Variants in CAMKMT observed in about 807,000 individuals in gnomAD.
CAMKMT encodes CaM KMT.
In CAMKMT, 53 loss-of-function variants were observed where a neutral mutation model predicts 48.0. The observed-to-expected ratio is 1.10, with a 90% CI of 0.89 to 1.39. The LOEUF (loss-of-function observed/expected upper bound fraction) is 1.39. Among genes scored for constraint, CAMKMT ranks in the 40% most tolerant of loss-of-function variants. The pLI, the probability that CAMKMT is intolerant of heterozygous loss-of-function variation, is 0.00. For synonymous variants in CAMKMT, 165 were observed against 152.3 expected (o/e 1.08, Z -0.61); for missense variants, 428 against 402.7 (o/e 1.06, Z -0.54).
rs565515090 is a variant in CAMKMT at position 44,396,752 on chromosome 2, AAAAG to A, written c.376+6464_376+6467del. ...AATGATTACCTTTCTAAAAAAAAAA[AAAAG>A]AAAGAAAGAAAGAAAGGAACCAGGA... On this transcript the variant is annotated intron_variant, in intron 3 of 10. Coordinates refer to ENST00000378494, the MANE Select transcript of CAMKMT (RefSeq NM_024766.5). 1.5e-3 allele frequency among the ~76,000 whole-genome samples: 222 copies of A among 151,696 alleles called. 1 individual carries two copies. The highest frequency in any genetic ancestry group is 4.6e-3 in the East Asian group (24 of 5,178).
intron 1 of CAMKMT, among the ~76,000 whole-genome samples, chr2:44,365,459 T>C (rs759087975): frequency 6.6e-6 from 1 of 152,188 alleles, no homozygotes; most frequent in Non-Finnish European, 1.5e-5. Flanking sequence ...TCAATATCAG[T>C]AGAGGTTATG....
chr2:44,715,197 A>C, intron 6 of CAMKMT, 90 bp from the exon 7 acceptor site: 1 of 690,182 alleles, frequency 1.4e-6, no homozygotes, highest in Non-Finnish European at 2.2e-6. Flanking sequence ...TGTCTCAAAA[A>C]AAAAAAAAAA....
At position 44,397,849 on chromosome 2, in the gene CAMKMT, T is replaced by G. The variant is rs572054405; in HGVS notation, c.376+7544T>G. On this transcript the variant is annotated intron_variant, in intron 3 of 10. Coordinates refer to ENST00000378494, the MANE Select transcript of CAMKMT (RefSeq NM_024766.5). ...CATGGGAACTGACTGAAATAAACCC[T>G]ATAATCCTTTGTAGATTCATATGCC... Among the ~76,000 whole-genome samples the G allele has an allele frequency of 2.4e-4, 36 of 152,348 alleles. No individual in the cohort carries two copies. The South Asian group carries it at 7.4e-3, about 32-fold the overall frequency.
intron 3 of CAMKMT, among the ~76,000 whole-genome samples, chr2:44,513,000 A>C (rs926795725): frequency 9.9e-5 from 15 of 152,218 alleles, no homozygotes; most frequent in African/African-American, 3.6e-4. Context: ...TTTCACAAGC[A>C]GTCCTGCATT....
intron 3 of CAMKMT, among the ~76,000 whole-genome samples, chr2:44,555,663 A>T (rs1004683519): frequency 6.6e-6 from 1 of 152,124 alleles, no homozygotes; most frequent in Non-Finnish European, 1.5e-5. Context: ...ATAAAGAAAG[A>T]ATATAATAGA....
intron 6 of CAMKMT, among the ~76,000 whole-genome samples, chr2:44,712,102 A>G (rs146201052): frequency 6.6e-6 from 1 of 152,286 alleles, no homozygotes; most frequent in Non-Finnish European, 1.5e-5. Flanking sequence ...AATTCATATG[A>G]GTAATAAGCA....
chr2:44,523,872 G>A lies in CAMKMT; in HGVS notation c.376+133567G>A, dbSNP rs565627592. ...GGCTCACTGCAACCTTTGCCTCCCC[G>A]GTTCAAGTGATTCTCCTGCCTCAGC... is the stretch of plus-strand genomic sequence containing the variant. On this transcript the variant is annotated intron_variant, in intron 3 of 10. Transcript: ENST00000378494. Among the ~76,000 whole-genome samples the A allele has an allele frequency of 1.4e-4, 20 of 144,918 alleles. No homozygotes were observed. The South Asian group carries it at 2.2e-3, about 16-fold the overall frequency.
intron 3 of CAMKMT, among the ~76,000 whole-genome samples, chr2:44,413,183 G>T (rs1683326993): frequency 6.6e-6 from 1 of 152,140 alleles, no homozygotes; most frequent in African/African-American, 2.4e-5. Context: ...GTGCTGAATG[G>T]CAGTATTAAT....
chr2:44,755,907 G>A (rs532045721), intron 9 of CAMKMT, among the ~76,000 whole-genome samples: 7 of 152,274 alleles, frequency 4.6e-5, no homozygotes, highest in Admixed American at 1.3e-4. Flanking sequence ...AAGTCAGAGG[G>A]GCTCACACTA....
chr2:44,635,058 G>T (rs777483372), intron 3 of CAMKMT, among the ~76,000 whole-genome samples: 34 of 152,176 alleles, frequency 2.2e-4, no homozygotes, highest in Non-Finnish European at 4.6e-4. Context: ...GGATGACAGA[G>T]TGGGACACTG....
intron 3 of CAMKMT, among the ~76,000 whole-genome samples, chr2:44,514,059 G>T (rs891221476): frequency 6.7e-6 from 1 of 149,758 alleles, no homozygotes; most frequent in Non-Finnish European, 1.5e-5. Flanking sequence ...TTGAGATTGC[G>T]CCACTACACT....
intron 3 of CAMKMT, among the ~76,000 whole-genome samples, chr2:44,611,403 AGACTGGGG>A (rs1473432485): frequency 6.6e-6 from 1 of 152,038 alleles, no homozygotes; most frequent in African/African-American, 2.4e-5. Context: ...ATTGCACTCC[AGACTGGGG>A]GACAAGAGCA....
At chr2:44,377,234 T>G (rs375060787) in intron 2 of CAMKMT, among the ~76,000 whole-genome samples, 2 of 152,270 alleles carry the variant, frequency 1.3e-5, no homozygotes, top group East Asian at 3.9e-4. Flanking sequence ...CTCAAACTGC[T>G]GGGGTCAAGG....
intron 3 of CAMKMT, among the ~76,000 whole-genome samples, chr2:44,595,149 A>G (rs1031622757): frequency 1.3e-5 from 2 of 151,932 alleles, no homozygotes; most frequent in Non-Finnish European, 2.9e-5. Flanking sequence ...AAGTCAGGAA[A>G]CAACAGATGC....
At chr2:44,491,021 C>T (rs1185000433) in intron 3 of CAMKMT, among the ~76,000 whole-genome samples, 1 of 151,934 alleles carries the variant, frequency 6.6e-6, no homozygotes, top group African/African-American at 2.4e-5. Context: ...GGCATGGTGG[C>T]ATGCCTGTAG....
intron 6 of CAMKMT, among the ~76,000 whole-genome samples, chr2:44,711,569 A>G (rs957418710): frequency 6.6e-6 from 1 of 151,380 alleles, no homozygotes; most frequent in African/African-American, 2.4e-5. Flanking sequence ...TCCTGCCTCC[A>G]CCTCCCTAAG....
intron 7 of CAMKMT, among the ~76,000 whole-genome samples, chr2:44,729,035 G>T (rs184818762): frequency 1.4e-4 from 21 of 150,424 alleles, no homozygotes; most frequent in African/African-American, 4.9e-4. Flanking sequence ...AAAAAAAAAA[G>T]CCATTTCAGT....
At chr2:44,435,067 A>T (rs907905841) in intron 3 of CAMKMT, among the ~76,000 whole-genome samples, 1 of 152,206 alleles carries the variant, frequency 6.6e-6, no homozygotes, top group East Asian at 1.9e-4. Context: ...ATGAATTTAC[A>T]TACGTAAATA....
chr2:44,569,577 T>C (rs561859519), intron 3 of CAMKMT, among the ~76,000 whole-genome samples: 4 of 152,334 alleles, frequency 2.6e-5, no homozygotes, highest in Admixed American at 1.3e-4. Context: ...GCCTCTCTTA[T>C]TATCTTTCAT....
Sources: allele counts gnomAD v4.1 joint callset (sites outside exome capture counted in the v4.1 genomes callset), GRCh38; gene constraint gnomAD v4.1.1; transcripts MANE v1.5; gene names NCBI Gene and HGNC (gene_info 2026-07-23, HGNC 2026-07-21).